The following PDE4C variants were observed in gnomAD, a reference collection of about 807,000 sequenced individuals.
PDE4C encodes the protein 3',5'-cyclic-AMP phosphodiesterase 4C.
In PDE4C, 50 loss-of-function variants were observed where a neutral mutation model predicts 63.9. That is an observed-to-expected ratio of 0.78 (90% CI 0.62 to 0.99). PDE4C has a LOEUF of 0.99. PDE4C is among the 50% of genes least tolerant of loss of function. The pLI is 0.00. For synonymous variants in PDE4C, 377 were observed against 385.1 expected, an observed-to-expected ratio of 0.98 and a Z score of 0.25; for missense variants, 777 against 899.1, an observed-to-expected ratio of 0.86 and a Z score of 1.74.
intron 1 of PDE4C, among the ~76,000 whole-genome samples, chr19:18,245,572 A>G (rs1425676002): frequency 6.6e-6 from 1 of 152,120 alleles, no homozygotes; most frequent in Non-Finnish European, 1.5e-5. Context: ...GTTTCCATCC[A>G]TACTTCAGCT....
intron 4 of PDE4C, 86 bp downstream of exon 4, chr19:18,221,019 G>A: frequency 2.3e-6 from 3 of 1,289,808 alleles, no homozygotes; most frequent in Non-Finnish European, 2.1e-6. Context: ...TGGAGGCGCC[G>A]GAGCCCCAGC....
chr19:18,231,950 A>C (rs1968856871), intron 1 of PDE4C, among the ~76,000 whole-genome samples: 1 of 151,470 alleles, frequency 6.6e-6, no homozygotes, highest in African/African-American at 2.4e-5. Context: ...TTCCCAAGGG[A>C]CTTCCCTTCC....
chr19:18,221,357 C>A, intron 2 of PDE4C, 60 bp from the exon 3 acceptor site: 1 of 1,499,838 alleles, frequency 6.7e-7, no homozygotes, highest in Non-Finnish European at 9.0e-7. Flanking sequence ...TTTACCCACA[C>A]CATATGCCCT....
In PDE4C at chr19:18,222,116, C is replaced by G. The variant is rs1482192611; in HGVS notation, c.338+16G>C. ...GGAGGGTAGAGGCGGTGTCATCCCA[C>G]CAGCCCCAGACTCACAGGTCGCTGG... On this transcript the variant is annotated intron_variant, in intron 2 of 14. Coordinates refer to ENST00000262805, the Ensembl canonical transcript of PDE4C. The G allele has an allele frequency of 6.3e-7, 1 of 1,597,086 alleles. No individual in the cohort carries two copies.
intron 12 of PDE4C, among the ~76,000 whole-genome samples, chr19:18,215,137 C>T (rs7246274): frequency 0.29 from 44,015 of 151,814 alleles, 6,845 homozygotes; most frequent in Non-Finnish European, 0.34. Flanking sequence ...CCCAACTCCA[C>T]CTCACCAAAC....
chr19:18,230,892 C>T (rs779220117), upstream of PDE4C, among the ~76,000 whole-genome samples: 3 of 152,186 alleles, frequency 2.0e-5, no homozygotes, highest in Non-Finnish European at 4.4e-5. Context: ...CAGGGCCTGC[C>T]ACCCAGTAGG....
chr19:18,245,777 CA>C (rs1211186370), intron 1 of PDE4C, among the ~76,000 whole-genome samples: 1 of 152,226 alleles, frequency 6.6e-6, no homozygotes, highest in African/African-American at 2.4e-5. Context: ...TGCCCATGTG[CA>C]GGTGAAATGA....
At chr19:18,252,475 GA>G (rs1969242123), upstream of PDE4C, 1 of 387,326 alleles carries the variant, frequency 2.6e-6, no homozygotes, top group Non-Finnish European at 4.4e-6. Context: ...ACAATATCTG[GA>G]AAGAAAAACT....
At chr19:18,213,259 G>T in intron 13 of PDE4C, 109 bp downstream of exon 13, 1 of 1,002,610 alleles carries the variant, frequency 1.0e-6, no homozygotes, top group Admixed American at 3.2e-5. Context: ...ACTCCAGCCT[G>T]GGCGACAGAG....
upstream of PDE4C, among the ~76,000 whole-genome samples, chr19:18,227,027 T>C (rs1261193464): frequency 6.6e-6 from 1 of 151,542 alleles, no homozygotes; most frequent in Non-Finnish European, 1.5e-5. Context: ...AAGTGTAGAA[T>C]GAGGGAGTCA....
At chr19:18,254,661 C>T in the PDE4C span, among the ~76,000 whole-genome samples, 79 of 152,300 alleles carry the variant, frequency 5.2e-4, no homozygotes, top group African/African-American at 1.9e-3. Context: ...TATTACAGGT[C>T]TGTGGGGTAG....
At chr19:18,222,770 C>A (rs1968551375) in intron 1 of PDE4C, among the ~76,000 whole-genome samples, 1 of 138,970 alleles carries the variant, frequency 7.2e-6, no homozygotes, top group Non-Finnish European at 1.5e-5. Context: ...TGTGATCCTA[C>A]CTCACTGCAG....
intron 2 of PDE4C, 73 bp from the exon 3 acceptor site, chr19:18,221,370 A>G: frequency 1.4e-6 from 2 of 1,419,216 alleles, no homozygotes; most frequent in Non-Finnish European, 1.9e-6. Flanking sequence ...TATGCCCTCA[A>G]CTGAGGGGGT....
At chr19:18,240,425 C>CAAAAAAAAA (rs35192077) in intron 1 of PDE4C, among the ~76,000 whole-genome samples, 4 of 114,338 alleles carry the variant, frequency 3.5e-5, no homozygotes, top group Admixed American at 9.5e-5. Context: ...GAAACTCTGT[C>CAAAAAAAAA]AAAAAAAAAA....
chr19:18,251,202 T>A (rs1969225254), upstream of PDE4C, among the ~76,000 whole-genome samples: 1 of 151,584 alleles, frequency 6.6e-6, no homozygotes, highest in African/African-American at 2.4e-5. Context: ...GTGGGCTCAC[T>A]CCAACCTCCG....
At chr19:18,213,347 A>G (rs769172136) in intron 13 of PDE4C, 21 bp downstream of exon 13, 2 of 1,603,956 alleles carry the variant, frequency 1.2e-6, no homozygotes, top group Non-Finnish European at 1.7e-6. Context: ...AGGAAGCCCC[A>G]GTGCCCATCC....
chr19:18,233,788 A>T, upstream of PDE4C: 1 of 313,744 alleles, frequency 3.2e-6, no homozygotes, highest in Non-Finnish European at 6.3e-6. Context: ...TCCGCCCAGG[A>T]GGTGCTGAAA....
At chr19:18,237,872 C>CAAAAA (rs57462449), upstream of PDE4C, among the ~76,000 whole-genome samples, 3 of 94,904 alleles carry the variant, frequency 3.2e-5, no homozygotes, top group Non-Finnish European at 4.2e-5. Context: ...GACTCCATCT[C>CAAAAA]AAAAAAAAAA....
chr19:18,222,235 C>G, exon 2 of PDE4C: 1 of 1,614,140 alleles, frequency 6.2e-7, no homozygotes, highest in Non-Finnish European at 8.5e-7. Context: ...CTGTGCGGGA[C>G]TGGAGCCTGC....
Sources: gnomAD v4.1 joint callset for allele counts (sites outside exome capture counted in the v4.1 genomes callset) on GRCh38, gnomAD v4.1.1 for gene constraint, MANE v1.5 for transcripts, NCBI Gene and HGNC (gene_info 2026-07-23, HGNC 2026-07-21) for gene names.